Variants in PDE1C observed in about 807,000 individuals in gnomAD.
The protein encoded by PDE1C is dual specificity calcium/calmodulin-dependent 3',5'-cyclic nucleotide phosphodiesterase 1C.
In PDE1C, 62 loss-of-function variants were observed where a neutral mutation model predicts 93.1. That is an observed-to-expected ratio of 0.67 (90% CI 0.54 to 0.82). The LOEUF is 0.82. Ranked by LOEUF, PDE1C falls within the 40% of genes least tolerant of loss-of-function variation. PDE1C has a pLI of 0.00. For missense variants in PDE1C, 742 were observed against 884.6 expected, an observed-to-expected ratio of 0.84 and a Z score of 2.04; for synonymous variants, 325 against 310.1, an observed-to-expected ratio of 1.05 and a Z score of -0.50.
At chr7:31,853,562 A>G (rs1486718092) in intron 7 of PDE1C, among the ~76,000 whole-genome samples, 1 of 152,172 alleles carries the variant, frequency 6.6e-6, no homozygotes, top group Admixed American at 6.5e-5. Flanking sequence ...TAGAAAACAC[A>G]GTGAGCGAGG....
chr7:32,392,937 T>C (rs1014280187), intron 1 of PDE1C, among the ~76,000 whole-genome samples: 1 of 149,658 alleles, frequency 6.7e-6, no homozygotes, highest in Non-Finnish European at 1.5e-5. Context: ...TAATCCCAGC[T>C]ACTCTGGAGG....
chr7:32,157,781 A>C (rs543706881), intron 3 of PDE1C, among the ~76,000 whole-genome samples: 1 of 152,370 alleles, frequency 6.6e-6, no homozygotes, highest in East Asian at 1.9e-4. Flanking sequence ...ATAAACCTAA[A>C]GCGAATGTAG....
At chr7:32,168,957 C>A (rs1325146605) in intron 3 of PDE1C, among the ~76,000 whole-genome samples, 1 of 152,022 alleles carries the variant, frequency 6.6e-6, no homozygotes, top group African/African-American at 2.4e-5. Context: ...TTCTGCTAAC[C>A]ATGTGGAGAG....
chr7:32,405,101 C>CTTCTGTTGTACAGTATCA (rs1252969916), intron 1 of PDE1C, among the ~76,000 whole-genome samples: 2 of 152,150 alleles, frequency 1.3e-5, no homozygotes, highest in Admixed American at 1.3e-4. Context: ...TAACATACCT[C>CTTCTGTTGTACAGTATCA]TTCTGTTGTA....
chr7:31,773,522 C>T (rs1795635776), intron 17 of PDE1C, among the ~76,000 whole-genome samples: 1 of 151,996 alleles, frequency 6.6e-6, no homozygotes, highest in Non-Finnish European at 1.5e-5. Context: ...AAGCTGATTT[C>T]TTCCTGATAC....
intron 3 of PDE1C, among the ~76,000 whole-genome samples, chr7:32,120,242 CT>C (rs1408367428): frequency 6.6e-6 from 1 of 152,326 alleles, no homozygotes; most frequent in Admixed American, 6.5e-5. Context: ...CCTGATCTCC[CT>C]GGGCCTGAGC....
chr7:32,319,051 G>A (rs1454002169), intron 1 of PDE1C, among the ~76,000 whole-genome samples: 1 of 152,226 alleles, frequency 6.6e-6, no homozygotes, highest in African/African-American at 2.4e-5. Context: ...GAGGAAGCAG[G>A]CGGGAGGATT....
At chr7:31,721,540 ACATAGAAT>A in the PDE1C span, among the ~76,000 whole-genome samples, 1 of 152,234 alleles carries the variant, frequency 6.6e-6, no homozygotes, top group Non-Finnish European at 1.5e-5. Flanking sequence ...TTGTGGATGG[ACATAGAAT>A]CAACCATTCA....
intron 1 of PDE1C, among the ~76,000 whole-genome samples, chr7:32,360,425 C>T (rs1298071097): frequency 6.6e-6 from 1 of 152,174 alleles, no homozygotes. Context: ...CCTCCTTTGC[C>T]TCAAGGCAGA....
At chr7:31,673,032 G>T in the PDE1C span, among the ~76,000 whole-genome samples, 1 of 152,124 alleles carries the variant, frequency 6.6e-6, no homozygotes, top group Non-Finnish European at 1.5e-5. Context: ...CACCATGAAT[G>T]TAAGTTTCCT....
chr7:31,997,189 G>A (rs2128549809), intron 2 of PDE1C, among the ~76,000 whole-genome samples: 1 of 152,282 alleles, frequency 6.6e-6, no homozygotes, highest in East Asian at 1.9e-4. Context: ...ACTGGGTTCA[G>A]ATTAGGAACT....
the PDE1C span, chr7:31,707,188 G>A: frequency 1.9e-6 from 3 of 1,611,132 alleles, no homozygotes; most frequent in Admixed American, 3.3e-5. Flanking sequence ...TTGCAGGTCT[G>A]TGCTTTGTTT....
At chr7:31,640,833 T>C in the PDE1C span, among the ~76,000 whole-genome samples, 58 of 152,192 alleles carry the variant, frequency 3.8e-4, 1 homozygote, top group African/African-American at 1.3e-3. Context: ...ATATGCATTC[T>C]CAAAATTTTG....
chr7:32,276,850 T>C (rs1049896056), intron 1 of PDE1C, among the ~76,000 whole-genome samples: 1 of 152,148 alleles, frequency 6.6e-6, no homozygotes, highest in Admixed American at 6.5e-5. Flanking sequence ...TTAAGGTTTT[T>C]ATAAGACAGA....
At chr7:32,288,062 G>A (rs2128895670) in intron 1 of PDE1C, among the ~76,000 whole-genome samples, 1 of 152,316 alleles carries the variant, frequency 6.6e-6, no homozygotes, top group Admixed American at 6.5e-5. Flanking sequence ...GCTGAGGCAG[G>A]AGAATCACTT....
intron 2 of PDE1C, among the ~76,000 whole-genome samples, chr7:31,921,449 G>A (rs1583978986): frequency 6.6e-6 from 1 of 152,192 alleles, no homozygotes; most frequent in East Asian, 1.9e-4. Context: ...CACCTTCCAG[G>A]ATGCGGCAGG....
chr7:31,698,858 G>A, the PDE1C span, among the ~76,000 whole-genome samples: 1 of 152,192 alleles, frequency 6.6e-6, no homozygotes, highest in Non-Finnish European at 1.5e-5. Flanking sequence ...TCAGGAAAAT[G>A]TGGGTGTGTC....
chr7:31,998,992 A>T (rs908997184), intron 2 of PDE1C, among the ~76,000 whole-genome samples: 1 of 152,218 alleles, frequency 6.6e-6, no homozygotes, highest in Non-Finnish European at 1.5e-5. Context: ...GTACTGAAAC[A>T]TGAAGGAAAT....
chr7:31,992,928 T>C (rs1784306507), intron 2 of PDE1C, among the ~76,000 whole-genome samples: 1 of 152,200 alleles, frequency 6.6e-6, no homozygotes, highest in African/African-American at 2.4e-5. Flanking sequence ...ACTGGCATTT[T>C]ATATGGAACA....
Sources: allele counts gnomAD v4.1 joint callset (sites outside exome capture counted in the v4.1 genomes callset), GRCh38; gene constraint gnomAD v4.1.1; transcripts MANE v1.5; gene names NCBI Gene and HGNC (gene_info 2026-07-23, HGNC 2026-07-21).